PCSK2: variants seen among roughly 807,000 people sequenced by gnomAD.
PCSK2 encodes neuroendocrine convertase 2.
A neutral mutation model predicts 69.7 loss-of-function variants in PCSK2; 14 were observed. The observed-to-expected ratio is 0.20, with a 90% CI of 0.13 to 0.31. The LOEUF is 0.31. PCSK2 is among the 10% of genes least tolerant of loss of function. The pLI is 1.00. For missense variants in PCSK2, 544 were observed against 842.5 expected, an observed-to-expected ratio of 0.65 and a Z score of 4.39; for synonymous variants, 307 against 320.7, an observed-to-expected ratio of 0.96 and a Z score of 0.46.
chr20:17,357,863 C>T lies in PCSK2; in HGVS notation c.283-464C>T, dbSNP rs562478619. Among the ~76,000 whole-genome samples, 15 of 150,096 alleles carry T rather than the reference C, an allele frequency of 1.0e-4. No homozygotes were observed. In the East Asian group the frequency reaches 2.0e-3, roughly 20 times the overall value. On this transcript the variant is annotated intron_variant, in intron 2 of 11. Coordinates refer to ENST00000262545, the MANE Select transcript of PCSK2 (RefSeq NM_002594.5). ...GAGCCAAGATCATGCCATTGCCCTC[C>T]GGCCTGGGCAACAAGAGCGAAACTC... is the stretch of plus-strand genomic sequence containing the variant.
intron 2 of PCSK2, among the ~76,000 whole-genome samples, chr20:17,356,472 G>A (rs2030201435): frequency 6.6e-6 from 1 of 152,116 alleles, no homozygotes; most frequent in Non-Finnish European, 1.5e-5. Flanking sequence ...AAGAAGTGAG[G>A]ATCTAGCCTT....
chr20:17,399,596 C>T (rs2031589944), intron 5 of PCSK2, among the ~76,000 whole-genome samples: 1 of 152,132 alleles, frequency 6.6e-6, no homozygotes, highest in Non-Finnish European at 1.5e-5. Context: ...GTGTTAAAGC[C>T]ATGGGGGCAC....
At chr20:17,291,475 G>A (rs1221436117) in intron 2 of PCSK2, among the ~76,000 whole-genome samples, 2 of 152,148 alleles carry the variant, frequency 1.3e-5, no homozygotes, top group East Asian at 3.9e-4. Flanking sequence ...CTTAACATTT[G>A]GGTTCTATCA....
intron 11 of PCSK2, among the ~76,000 whole-genome samples, chr20:17,480,102 C>A (rs977898733): frequency 6.6e-6 from 1 of 151,902 alleles, no homozygotes; most frequent in African/African-American, 2.4e-5. Context: ...CGCTCCAACT[C>A]TCGCCAAAGA....
At position 17,472,709 on chromosome 20, in the gene PCSK2, G is replaced by A. The variant is rs561908621; in HGVS notation, c.1430+7156G>A. Reference sequence around the variant, plus strand: ...AGCCTCCTGAGTAGCTGGGACTACAGGCATCCACCACCAAACCCGGCTAAT... The same window carrying A: ...AGCCTCCTGAGTAGCTGGGACTACAAGCATCCACCACCAAACCCGGCTAAT... On this transcript the variant is annotated intron_variant, in intron 11 of 11. Transcript: ENST00000262545. Among the ~76,000 whole-genome samples the A allele has an allele frequency of 3.9e-5, 6 of 152,242 alleles. No homozygotes were observed. The South Asian group carries it at 1.2e-3, about 32-fold the overall frequency.
At chr20:17,272,655 A>C (rs1253574457) in intron 2 of PCSK2, among the ~76,000 whole-genome samples, 3 of 152,134 alleles carry the variant, frequency 2.0e-5, no homozygotes, top group East Asian at 1.9e-4. Flanking sequence ...AAAATGACAA[A>C]GTTCAGAACC....
At chr20:17,359,735 T>C (rs1469871885) in intron 3 of PCSK2, among the ~76,000 whole-genome samples, 2 of 152,254 alleles carry the variant, frequency 1.3e-5, no homozygotes, top group African/African-American at 4.8e-5. Flanking sequence ...TACAATGTTT[T>C]AGCAATATCA....
At chr20:17,395,356 C>G (rs751862384) in intron 5 of PCSK2, among the ~76,000 whole-genome samples, 6 of 152,136 alleles carry the variant, frequency 3.9e-5, no homozygotes, top group Non-Finnish European at 7.4e-5. Context: ...CAACTTAGGT[C>G]TTAATGTTCT....
chr20:17,321,864 G>A (rs1989878815), intron 2 of PCSK2, among the ~76,000 whole-genome samples: 1 of 152,148 alleles, frequency 6.6e-6, no homozygotes, highest in Non-Finnish European at 1.5e-5. Flanking sequence ...AAAACAGAGA[G>A]ACAGAAGGAT....
chr20:17,411,086 A>G (rs927107747), intron 6 of PCSK2, among the ~76,000 whole-genome samples: 2 of 152,216 alleles, frequency 1.3e-5, no homozygotes, highest in African/African-American at 4.8e-5. Flanking sequence ...TGCTATAAAA[A>G]TACTCCTTAA....
intron 1 of PCSK2, among the ~76,000 whole-genome samples, chr20:17,236,097 G>A (rs142802482): frequency 1.2e-3 from 190 of 152,110 alleles, no homozygotes; most frequent in Non-Finnish European, 2.4e-3. Context: ...AAACTCTATT[G>A]CAGATACTTC....
chr20:17,337,750 C>A (rs1055570312), intron 2 of PCSK2, among the ~76,000 whole-genome samples: 1 of 151,422 alleles, frequency 6.6e-6, no homozygotes, highest in Non-Finnish European at 1.5e-5. Context: ...TATAGGGAGA[C>A]CTGACTCTTT....
At chr20:17,231,877 C>CT (rs1321236589) in intron 1 of PCSK2, among the ~76,000 whole-genome samples, 1 of 152,090 alleles carries the variant, frequency 6.6e-6, no homozygotes, top group Non-Finnish European at 1.5e-5. Context: ...TATTTTCTTG[C>CT]TGGCTGCTGG....
At chr20:17,360,843 T>C (rs960604524) in intron 4 of PCSK2, among the ~76,000 whole-genome samples, 1 of 152,064 alleles carries the variant, frequency 6.6e-6, no homozygotes, top group Non-Finnish European at 1.5e-5. Flanking sequence ...TAACAAATAT[T>C]TTTTGAATTA....
intron 2 of PCSK2, among the ~76,000 whole-genome samples, chr20:17,315,023 C>A (rs183149201): frequency 6.6e-6 from 1 of 152,302 alleles, no homozygotes; most frequent in Non-Finnish European, 1.5e-5. Context: ...TCAATTCCTT[C>A]CTGAAATAAG....
intron 2 of PCSK2, among the ~76,000 whole-genome samples, chr20:17,302,537 C>T (rs893076795): frequency 3.3e-5 from 5 of 152,056 alleles, no homozygotes; most frequent in East Asian, 1.9e-4. Flanking sequence ...CCTTTATGTC[C>T]GAAAATGTTC....
chr20:17,302,992 C>T (rs1370428983), intron 2 of PCSK2, among the ~76,000 whole-genome samples: 1 of 151,844 alleles, frequency 6.6e-6, no homozygotes, highest in East Asian at 1.9e-4. Context: ...ACATCTTGAA[C>T]CAGAGAACTT....
chr20:17,275,084 CATATATATATATATATATAT>C (rs11474649), intron 2 of PCSK2, among the ~76,000 whole-genome samples: 2 of 141,550 alleles, frequency 1.4e-5, no homozygotes, highest in Non-Finnish European at 3.1e-5. Context: ...ATTATTTATA[CATATATATATATATATATAT>C]ATATATATAA....
At chr20:17,429,316 G>A (rs1261809604) in intron 6 of PCSK2, 119 bp from the exon 7 acceptor site, 2 of 746,486 alleles carry the variant, frequency 2.7e-6, no homozygotes, top group East Asian at 2.5e-5. Flanking sequence ...GTGACACAGG[G>A]TTTACTTGTA....
Sources: gnomAD v4.1 joint callset for allele counts (sites outside exome capture counted in the v4.1 genomes callset) on GRCh38, gnomAD v4.1.1 for gene constraint, MANE v1.5 for transcripts, NCBI Gene and HGNC (gene_info 2026-07-23, HGNC 2026-07-21) for gene names.